The following FOXP1 variants were observed in gnomAD, a reference collection of about 807,000 sequenced individuals.
FOXP1 encodes the protein forkhead box protein P1.
Under a neutral mutation model 98.2 loss-of-function variants are expected in FOXP1, and 15 were observed. The observed-to-expected ratio is 0.15, with a 90% confidence interval of 0.10 to 0.24. The LOEUF is 0.24. Ranked by LOEUF, FOXP1 falls within the 10% of genes least tolerant of loss-of-function variation. The probability of loss-of-function intolerance (pLI) is 1.00; values close to 1 mark genes in which losing one functional copy is unlikely to be tolerated. For missense variants in FOXP1, 633 were observed against 848.5 expected (o/e 0.75, Z 3.15); for synonymous variants, 371 against 314.5 (o/e 1.18, Z -1.90).
chr3:71,356,538 G>C (rs1206571353), intron 4 of FOXP1, among the ~76,000 whole-genome samples: 1 of 152,182 alleles, frequency 6.6e-6, no homozygotes, highest in East Asian at 1.9e-4. Context: ...CTAGTACAAT[G>C]CTGGCATTTA....
intron 7 of FOXP1, among the ~76,000 whole-genome samples, chr3:71,100,335 T>C (rs2107660741): frequency 6.6e-6 from 1 of 152,332 alleles, no homozygotes; most frequent in Middle Eastern, 3.4e-3. Context: ...TAACAATCCC[T>C]TTACGCTCTC....
chr3:71,358,885 A>G (rs9864459), intron 4 of FOXP1, among the ~76,000 whole-genome samples: 9,928 of 152,182 alleles, frequency 0.065, 625 homozygotes, highest in African/African-American at 0.16. Context: ...AATATTTCCT[A>G]TCTGGCCCCT....
intron 3 of FOXP1, among the ~76,000 whole-genome samples, chr3:71,457,970 A>G: frequency 6.6e-6 from 1 of 152,192 alleles, no homozygotes; most frequent in Non-Finnish European, 1.5e-5. Context: ...CTACAACTCC[A>G]GCACCACGCA....
intron 7 of FOXP1, among the ~76,000 whole-genome samples, chr3:71,075,079 G>T (rs920196829): frequency 6.6e-6 from 1 of 152,180 alleles, no homozygotes; most frequent in Non-Finnish European, 1.5e-5. Context: ...ACATCAGGGT[G>T]GTGGAGCTTA....
At chr3:71,250,213 CA>C (rs575871994) in intron 5 of FOXP1, among the ~76,000 whole-genome samples, 64 of 152,320 alleles carry the variant, frequency 4.2e-4, no homozygotes, top group African/African-American at 1.5e-3. Context: ...TCGTGACCTC[CA>C]AAAACGTCTC....
At chr3:71,273,346 T>C (rs1198689674) in intron 5 of FOXP1, among the ~76,000 whole-genome samples, 2 of 152,240 alleles carry the variant, frequency 1.3e-5, no homozygotes, top group African/African-American at 4.8e-5. Context: ...TGTCATCTGA[T>C]GCTTACACCA....
At chr3:71,113,301 C>G (rs1559955486) in intron 6 of FOXP1, among the ~76,000 whole-genome samples, 2 of 152,074 alleles carry the variant, frequency 1.3e-5, no homozygotes, top group Non-Finnish European at 2.9e-5. Flanking sequence ...TTATAAATGA[C>G]CCTTTCAAGC....
At chr3:71,529,114 G>A (rs779655997) in intron 2 of FOXP1, among the ~76,000 whole-genome samples, 3 of 152,132 alleles carry the variant, frequency 2.0e-5, no homozygotes, top group African/African-American at 7.2e-5. Flanking sequence ...CCTGACATCC[G>A]ACTCTGTAAC....
intron 3 of FOXP1, among the ~76,000 whole-genome samples, chr3:71,466,395 TCA>T (rs1441654744): frequency 1.3e-5 from 2 of 152,254 alleles, no homozygotes; most frequent in Non-Finnish European, 2.9e-5. Context: ...TTAATGAAAT[TCA>T]CAGTCAAGGA....
intron 9 of FOXP1, among the ~76,000 whole-genome samples, chr3:71,048,982 C>T (rs573443715): frequency 6.6e-6 from 1 of 152,128 alleles, no homozygotes; most frequent in Non-Finnish European, 1.5e-5. Flanking sequence ...TAAAAGTATA[C>T]AAGGCCCATT....
At chr3:71,029,210 A>G (rs2046529714) in intron 11 of FOXP1, among the ~76,000 whole-genome samples, 1 of 152,210 alleles carries the variant, frequency 6.6e-6, no homozygotes, top group African/African-American at 2.4e-5. Context: ...CATTTCATGT[A>G]GTCTCTGCAA....
At chr3:71,403,056 A>G (rs2082051626) in intron 3 of FOXP1, among the ~76,000 whole-genome samples, 1 of 152,250 alleles carries the variant, frequency 6.6e-6, no homozygotes, top group Non-Finnish European at 1.5e-5. Context: ...TTGTATAAGC[A>G]AAACCAAATT....
intron 3 of FOXP1, among the ~76,000 whole-genome samples, chr3:71,408,599 A>T (rs544833692): frequency 6.6e-6 from 1 of 152,240 alleles, no homozygotes; most frequent in Non-Finnish European, 1.5e-5. Context: ...ATCTGATCAC[A>T]TTTTATTGAC....
chr3:71,318,131 T>A (rs2075184712), intron 4 of FOXP1, among the ~76,000 whole-genome samples: 1 of 151,018 alleles, frequency 6.6e-6, no homozygotes, highest in Admixed American at 6.7e-5. Context: ...CAAAATGAAT[T>A]ACAAATAATT....
chr3:71,053,045 G>A (rs1165215210), intron 8 of FOXP1, among the ~76,000 whole-genome samples: 1 of 152,090 alleles, frequency 6.6e-6, no homozygotes, highest in African/African-American at 2.4e-5. Context: ...CACCACCCCA[G>A]GCCAGTGACT....
chr3:71,149,851 C>T (rs763838687), intron 6 of FOXP1, among the ~76,000 whole-genome samples: 12 of 152,218 alleles, frequency 7.9e-5, no homozygotes, highest in Admixed American at 3.3e-4. Flanking sequence ...GAAGGGAATG[C>T]GACAGGATTG....
rs147481578 is a variant in FOXP1 at position 71,357,361 on chromosome 3, G to A, written c.-73+1789C>T. Among the ~76,000 whole-genome samples, 1,055 of 152,288 alleles carry A rather than the reference G, an allele frequency of 6.9e-3. 30 individuals carry two copies. The highest frequency in any genetic ancestry group is 4.1e-3 in the Non-Finnish European group (280 of 68,034). ...GTGGTCTTAAAATATTTACTGAGCT[G>A]TATCTCTGCTGAGAATTAAACAGGC... On this transcript the variant is annotated intron_variant, in intron 4 of 20. Coordinates refer to ENST00000649528, the MANE Select transcript of FOXP1 (RefSeq NM_001349338.3).
At chr3:70,965,590 G>A (rs970753643) in intron 20 of FOXP1, among the ~76,000 whole-genome samples, 1 of 152,128 alleles carries the variant, frequency 6.6e-6, no homozygotes, top group Non-Finnish European at 1.5e-5. Context: ...ATATTAGTTT[G>A]AGGAGGAAAA....
At chr3:71,505,419 T>A (rs1228295261) in intron 2 of FOXP1, among the ~76,000 whole-genome samples, 1 of 79,134 alleles carries the variant, frequency 1.3e-5, no homozygotes, top group African/African-American at 4.2e-5. Context: ...GGGATGCTTT[T>A]TTTTTTTTTT....
Sources: allele counts gnomAD v4.1 joint callset (sites outside exome capture counted in the v4.1 genomes callset), GRCh38; gene constraint gnomAD v4.1.1; transcripts MANE v1.5; gene names NCBI Gene and HGNC (gene_info 2026-07-23, HGNC 2026-07-21).